The following PPM1D variants were observed in gnomAD, a reference collection of about 807,000 sequenced individuals.
PPM1D encodes protein phosphatase, Mg2+/Mn2+ dependent 1D.
A neutral mutation model predicts 58.3 loss-of-function variants in PPM1D; 52 were observed. The ratio of observed to expected loss-of-function variants is 0.89; its 90% CI spans 0.71 to 1.12. The LOEUF is 1.12. Ranked by LOEUF, PPM1D falls within the 50% of genes most tolerant of loss-of-function variation. The probability of loss-of-function intolerance (pLI) is 0.00; values close to 1 mark genes in which losing one functional copy is unlikely to be tolerated. For missense variants in PPM1D, 564 were observed against 777.2 expected (o/e 0.73, Z 3.26); for synonymous variants, 278 against 285.1 (o/e 0.98, Z 0.25).
At chr17:60,620,289 G>A (rs562905311) in intron 1 of PPM1D, among the ~76,000 whole-genome samples, 48 of 151,264 alleles carry the variant, frequency 3.2e-4, no homozygotes, top group African/African-American at 1.1e-3. Context: ...GAGCCACCGC[G>A]CCCGGCCTGC....
chr17:60,633,861 A>G lies in PPM1D; in HGVS notation c.710A>G (p.Asn237Ser). 2 of 1,612,260 alleles carry G rather than the reference A, an allele frequency of 1.2e-6. No individual in the cohort carries two copies. Among genetic ancestry groups the G allele is most frequent in the African/African-American group, 1.3e-5 (1 of 75,010 alleles). ...RIEGLGGSVM[N>S]KSGVNRVVWK... Reference sequence around the variant, plus strand: ...GAACTCTTTATTTTTAGTGTAATGAACAAGTCTGGGGTGAATCGTGTAGTT... The same window carrying G: ...GAACTCTTTATTTTTAGTGTAATGAGCAAGTCTGGGGTGAATCGTGTAGTT... Residue 237 changes from asparagine (N) to serine (S), a missense_variant, in exon 3 of 6, where the codon AAC (asparagine) becomes AGC (serine). Coordinates refer to ENST00000305921, the MANE Select transcript of PPM1D (RefSeq NM_003620.4).
intron 1 of PPM1D, among the ~76,000 whole-genome samples, chr17:60,613,259 T>G (rs995970996): frequency 6.6e-6 from 1 of 152,224 alleles, no homozygotes; most frequent in African/African-American, 2.4e-5. Flanking sequence ...AAAACTGAAT[T>G]ATTTGCTTAA....
chr17:60,619,397 A>G (rs1442035415), intron 1 of PPM1D, among the ~76,000 whole-genome samples: 1 of 152,134 alleles, frequency 6.6e-6, no homozygotes, highest in Non-Finnish European at 1.5e-5. Context: ...TTGGATATAC[A>G]TTCAGAGGTG....
Position 60,600,495 on chromosome 17 carries a change from C to G in PPM1D, c.81C>G (p.Ile27Met), listed in dbSNP as rs974206177. 6.4e-7 allele frequency: 1 copy of G among 1,572,328 alleles called. No homozygotes were observed. Among genetic ancestry groups the G allele is most frequent in the Non-Finnish European group, 8.6e-7 (1 of 1,159,264 alleles). ...GRKYMEDVTQ[I>M]VVEPEPTAEE... ...AGTACATGGAGGACGTTACTCAAAT[C>G]GTTGTGGAGCCCGAACCGACGGCTG... The change falls in exon 1 of 6, where the codon ATC (isoleucine) becomes ATG (methionine). Residue 27 changes from isoleucine (I) to methionine (M), a missense_variant. Transcript: ENST00000305921.
At chr17:60,659,327 C>T (rs2031489981) in intron 5 of PPM1D, among the ~76,000 whole-genome samples, 1 of 152,174 alleles carries the variant, frequency 6.6e-6, no homozygotes, top group Non-Finnish European at 1.5e-5. Context: ...GACTTAATCA[C>T]ATTTAGACAA....
chr17:60,626,411 T>G (rs77262138), intron 2 of PPM1D, among the ~76,000 whole-genome samples: 1 of 151,796 alleles, frequency 6.6e-6, no homozygotes, highest in African/African-American at 2.4e-5. Flanking sequence ...TTTTTTTTTT[T>G]TGAAACGGAG....
chr17:60,662,531 C>G (rs1322253506), intron 5 of PPM1D: 1 of 154,592 alleles, frequency 6.5e-6, no homozygotes, highest in Admixed American at 6.4e-5. Flanking sequence ...TATGTTATTA[C>G]CAAAAGTAAA....
intron 1 of PPM1D, among the ~76,000 whole-genome samples, chr17:60,615,173 G>A (rs1238953867): frequency 6.6e-6 from 1 of 152,122 alleles, no homozygotes; most frequent in East Asian, 1.9e-4. Context: ...GAGGTGGGCA[G>A]ATTGCTCGAG....
At chr17:60,621,324 C>A (rs1359947292) in intron 1 of PPM1D, among the ~76,000 whole-genome samples, 1 of 152,122 alleles carries the variant, frequency 6.6e-6, no homozygotes, top group Non-Finnish European at 1.5e-5. Flanking sequence ...CATTCTTTTG[C>A]ATGTGGATAT....
intron 3 of PPM1D, among the ~76,000 whole-genome samples, chr17:60,646,887 T>C (rs2031259612): frequency 6.6e-6 from 1 of 152,226 alleles, no homozygotes; most frequent in East Asian, 1.9e-4. Context: ...GTCATATGGT[T>C]GGTAAAGAGC....
intron 2 of PPM1D, among the ~76,000 whole-genome samples, chr17:60,624,068 AGAACAC>A (rs2030756335): frequency 6.6e-6 from 1 of 152,246 alleles, no homozygotes; most frequent in African/African-American, 2.4e-5. Flanking sequence ...GTTCCAGAGT[AGAACAC>A]TTTGAATCTG....
At chr17:60,653,772 A>G (rs1341391886) in intron 4 of PPM1D, among the ~76,000 whole-genome samples, 5 of 152,188 alleles carry the variant, frequency 3.3e-5, no homozygotes, top group Middle Eastern at 3.4e-3. Flanking sequence ...ATTACTAGGC[A>G]TTTTATAATT....
rs566808991 is a variant in PPM1D at position 60,600,224 on chromosome 17, G to A, written c.-191G>A. On this transcript the variant is annotated 5_prime_UTR_variant, in exon 1 of 6. Transcript: ENST00000305921. ...CAGGCGCAACTGCCTGGCTCTGCTC[G>A]CTCCGGCGCTCCGGCCCAGCTCTCG... 6.0e-6 allele frequency: 7 copies of A among 1,170,722 alleles called. No homozygotes were observed. The highest frequency in any genetic ancestry group is 4.9e-5 in the South Asian group (3 of 61,778). The allele number at this position is 1,170,722 out of a possible 1,614,324, so 72.5% of individuals were successfully genotyped here.
chr17:60,647,070 A>T (rs1275010411), intron 3 of PPM1D, among the ~76,000 whole-genome samples: 1 of 152,206 alleles, frequency 6.6e-6, no homozygotes, highest in Non-Finnish European at 1.5e-5. Flanking sequence ...CTTCAAAATT[A>T]TCTTGATTAA....
chr17:60,648,169 T>C (rs558741806), intron 4 of PPM1D, 87 bp downstream of exon 4: 1 of 1,403,036 alleles, frequency 7.1e-7, no homozygotes, highest in Non-Finnish European at 9.6e-7. Context: ...CTAAGGACAT[T>C]GACCTTGGGT....
Position 60,656,829 on chromosome 17 carries a change from A to G in PPM1D, c.1248A>G (p.Thr416=), listed in dbSNP as rs2031449158. 9 of 1,614,162 alleles carry G rather than the reference A, an allele frequency of 5.6e-6. No homozygotes were observed. Among genetic ancestry groups the G allele is most frequent in the Non-Finnish European group, 7.6e-6 (9 of 1,179,992 alleles). ...TGATGACTCCTTCCCCATGTTCTAC[A>G]CCACCAGTCAAGGTATATAGTTCCA... ...TCVMTPSPCS[T]PPVKSLEEDP... The change falls in exon 5 of 6, where the codon ACA becomes ACG. Residue 416 remains threonine, a synonymous_variant. Transcript: ENST00000305921.
At chr17:60,603,899 T>C (rs2030275585) in intron 1 of PPM1D, among the ~76,000 whole-genome samples, 1 of 152,272 alleles carries the variant, frequency 6.6e-6, no homozygotes, top group Non-Finnish European at 1.5e-5. Flanking sequence ...TTTATTAGTC[T>C]TTTCAGATAA....
chr17:60,663,129 C>T lies in PPM1D; in HGVS notation c.1395C>T (p.Val465=). Residue 465 remains valine, a synonymous_variant, in exon 6 of 6, where the codon GTC becomes GTT. Transcript: ENST00000305921. ...CTCGAGAGAATGTCCAAGGTGTAGT[C>T]ATACCCTCAAAAGATCCAGAACCAC... ...EIARENVQGV[V]IPSKDPEPLE... The T allele has an allele frequency of 1.2e-6, 2 of 1,614,016 alleles. No individual in the cohort carries two copies. Among genetic ancestry groups the T allele is most frequent in the Non-Finnish European group, 1.7e-6 (2 of 1,179,962 alleles).
chr17:60,651,923 AG>A (rs2143709861), intron 4 of PPM1D, among the ~76,000 whole-genome samples: 1 of 152,328 alleles, frequency 6.6e-6, no homozygotes, highest in East Asian at 1.9e-4. Context: ...CAGTCTTTTA[AG>A]AAGACACATA....
Sources: allele counts gnomAD v4.1 joint callset (sites outside exome capture counted in the v4.1 genomes callset), GRCh38; gene constraint gnomAD v4.1.1; transcripts MANE v1.5; gene names NCBI Gene and HGNC (gene_info 2026-07-23, HGNC 2026-07-21).